Variants in MED18 observed in about 807,000 individuals in gnomAD.
MED18 encodes mediator complex subunit 18.
MED18 carries 10 observed loss-of-function variants against 13.9 expected under a neutral mutation model. The observed-to-expected ratio is 0.72, with a 90% CI of 0.44 to 1.22. The LOEUF is 1.22. Ranked by LOEUF, MED18 falls within the 50% of genes most tolerant of loss-of-function variation. MED18 has a pLI of 0.00. For synonymous variants in MED18, 88 were observed against 93.2 expected (o/e 0.94, Z 0.32); for missense variants, 216 against 279.0 (o/e 0.77, Z 1.61).
chr1:28,331,574 T>C (rs1420234500), intron 2 of MED18, among the ~76,000 whole-genome samples: 3 of 152,140 alleles, frequency 2.0e-5, no homozygotes, highest in Non-Finnish European at 2.9e-5. Flanking sequence ...TCAAGTGATA[T>C]ACTTGCCTTG....
At chr1:28,330,941 C>T (rs1649703170) in intron 2 of MED18, 4 of 346,012 alleles carry the variant, frequency 1.2e-5, no homozygotes, top group South Asian at 5.9e-5. Flanking sequence ...GCGTATAATC[C>T]CAGCACTTTG....
chr1:28,332,416 A>C (rs533678005), intron 2 of MED18, among the ~76,000 whole-genome samples: 219 of 152,220 alleles, frequency 1.4e-3, no homozygotes, highest in Middle Eastern at 0.01. Flanking sequence ...CCTAAAAAAA[A>C]AAAACAAAAC....
chr1:28,329,309 G>A (rs1649622589), intron 1 of MED18, 129 bp downstream of exon 1: 2 of 74,824 alleles, frequency 2.7e-5, no homozygotes, highest in African/African-American at 1.2e-4. Flanking sequence ...TTTTTGAGAC[G>A]GAGTTTCGCT....
rs1486725952 is a variant in MED18, at chr1:28,335,028, G to T, written c.*58G>T. The T allele has an allele frequency of 1.4e-6, 2 of 1,475,284 alleles. No individual in the cohort carries two copies. Among genetic ancestry groups the T allele is most frequent in the South Asian group, 2.6e-5 (2 of 76,954 alleles). 91.4% of individuals were successfully genotyped at this position (1,475,284 alleles called of 1,614,324 possible). ...CTTACTTGTTTGAAAAAATATGTTT[G>T]CTTTTTTTGGTTTTTGTTTTGTTTT... On this transcript the variant is annotated 3_prime_UTR_variant, in exon 3 of 3. Coordinates refer to ENST00000373842, the MANE Select transcript of MED18 (RefSeq NM_017638.3).
chr1:28,330,559 C>T (rs750289959), intron 1 of MED18, 38 bp from the exon 2 acceptor site: 2 of 798,680 alleles, frequency 2.5e-6, no homozygotes, highest in Non-Finnish European at 4.0e-6. Context: ...GGTCTCTCTC[C>T]ACCACTTTGA....
At chr1:28,331,778 C>T (rs1489255107) in intron 2 of MED18, among the ~76,000 whole-genome samples, 2 of 152,060 alleles carry the variant, frequency 1.3e-5, no homozygotes, top group African/African-American at 4.8e-5. Flanking sequence ...GATTCTCACT[C>T]CGTTGCCCAG....
At chr1:28,331,788 G>C (rs1458079442) in intron 2 of MED18, among the ~76,000 whole-genome samples, 5 of 151,916 alleles carry the variant, frequency 3.3e-5, no homozygotes, top group African/African-American at 9.7e-5. Context: ...CCGTTGCCCA[G>C]GCTGGAGCAC....
In MED18 at chr1:28,330,754, T is replaced by C. The variant is rs1176884428; in HGVS notation, c.73+19T>C. 1 of 1,572,300 alleles carries C rather than the reference T, an allele frequency of 6.4e-7. No homozygotes were observed. The highest frequency in any genetic ancestry group is 1.9e-5 in the Admixed American group (1 of 52,318). ...TTGCAGGGTAAGTGAACTAGGGAAC[T>C]TGGATTACCTGTTTTCCTCTTCTCT... On this transcript the variant is annotated intron_variant, in intron 2 of 2. Transcript: ENST00000373842.
rs1167371843 is a variant in MED18, at chr1:28,335,407, T to A, written c.*437T>A. On this transcript the variant is annotated 3_prime_UTR_variant, in exon 3 of 3. Coordinates refer to ENST00000373842, the MANE Select transcript of MED18 (RefSeq NM_017638.3). ...AGGCATTCTTCCTTCAGGGAGAGGA[T>A]GGTGAGAATTAATTGGTTCTTTGCA... 5.3e-6 allele frequency: 1 copy of A among 188,766 alleles called. No individual in the cohort carries two copies. The allele number at this position is 188,766 out of a possible 1,614,324, so 11.7% of individuals were successfully genotyped here. A position where few individuals can be genotyped will look rare whatever the true frequency, so the allele number is the denominator to read the frequency against.
intron 2 of MED18, among the ~76,000 whole-genome samples, chr1:28,331,302 A>G (rs1649726811): frequency 6.6e-6 from 1 of 151,958 alleles, no homozygotes; most frequent in African/African-American, 2.4e-5. Context: ...GTTTATTGTG[A>G]GTAGCTTGAA....
chr1:28,334,671 A>G lies in MED18; in HGVS notation c.328A>G (p.Thr110Ala). 1 of 1,614,186 alleles carries G rather than the reference A, an allele frequency of 6.2e-7. No homozygotes were observed. The highest frequency in any genetic ancestry group is 1.1e-5 in the South Asian group (1 of 91,084). The change falls in exon 3 of 3, where the codon ACA (threonine) becomes GCA (alanine). Residue 110 changes from threonine (T) to alanine (A), a missense_variant. Physicochemically the swap from Thr to Ala is moderately conservative, Grantham distance 58 (BLOSUM62 0). Coordinates refer to ENST00000373842, the MANE Select transcript of MED18 (RefSeq NM_017638.3). ...ALVRNCVDIA[T>A]SENLTDFLME... ...GGTGCGAAACTGCGTGGACATTGCC[A>G]CATCTGAGAACCTCACCGACTTCTT... is the stretch of plus-strand genomic sequence containing the variant.
chr1:28,335,050 T>G lies in MED18; in HGVS notation c.*80T>G. On this transcript the variant is annotated 3_prime_UTR_variant, in exon 3 of 3. Coordinates refer to ENST00000373842, the MANE Select transcript of MED18 (RefSeq NM_017638.3). Reference sequence around the variant, plus strand: ...TTTGCTTTTTTTGGTTTTTGTTTTGTTTTGTTTTTGAGACAGAGTCTCGCT... The same window carrying G: ...TTTGCTTTTTTTGGTTTTTGTTTTGGTTTGTTTTTGAGACAGAGTCTCGCT... The G allele has an allele frequency of 7.3e-7, 1 of 1,363,192 alleles. No individual in the cohort carries two copies. The highest frequency in any genetic ancestry group is 1.0e-6 in the Non-Finnish European group (1 of 1,003,162). The allele number at this position is 1,363,192 out of a possible 1,614,324, so 84.4% of individuals were successfully genotyped here. A position where few individuals can be genotyped will look rare whatever the true frequency, so the allele number is the denominator to read the frequency against.
rs1002374693 is a variant in MED18 at position 28,335,499 on chromosome 1, C to G, written c.*529C>G. On this transcript the variant is annotated 3_prime_UTR_variant, in exon 3 of 3. Transcript: ENST00000373842. ...TCTATATTAAAGGCTCAGGATGTCACGGAGAATCTATCTAATCCCACTGTA... is the reference window on the plus strand; with the variant it reads ...TCTATATTAAAGGCTCAGGATGTCAGGGAGAATCTATCTAATCCCACTGTA... 6.3e-6 allele frequency: 1 copy of G among 158,314 alleles called. No homozygotes were observed. The highest frequency in any genetic ancestry group is 6.0e-5 in the Admixed American group (1 of 16,756). The allele number at this position is 158,314 out of a possible 1,614,324, so 9.8% of individuals were successfully genotyped here.
rs779267139 is a variant in MED18 at position 28,334,871 on chromosome 1, C to G, written c.528C>G (p.Pro176=). Residue 176 remains proline (P), a synonymous_variant, in exon 3 of 3, where the codon CCC becomes CCG. Transcript: ENST00000373842. ...TCGTGGAATTAAGTGTGGTAGCACC[C>G]GCTGGGCAGGACATGGTCTCTGATG... is the stretch of plus-strand genomic sequence containing the variant. The part of the protein sequence containing the change: ...SYLVELSVVA[P]AGQDMVSDDM... The G allele has an allele frequency of 1.2e-6, 2 of 1,613,914 alleles. No individual in the cohort carries two copies. The highest frequency in any genetic ancestry group is 2.7e-5 in the African/African-American group (2 of 74,884).
At position 28,329,280 on chromosome 1, in the gene MED18, CTTTTTT is replaced by C. The variant is rs771658895; in HGVS notation, c.-67+118_-67+123del. ...ATAACTTCCCCTTGGCTCTCTCTCT[CTTTTTT>C]TTTTTTTTTTTTTTTTTGAGACGGA... On this transcript the variant is annotated intron_variant, in intron 1 of 2. Coordinates refer to ENST00000373842, the MANE Select transcript of MED18 (RefSeq NM_017638.3). 5.4e-3 allele frequency: 517 copies of C among 96,038 alleles called. 3 individuals carry two copies. The highest frequency in any genetic ancestry group is 0.019 in the African/African-American group (429 of 22,418). The allele number at this position is 96,038 out of a possible 1,614,324, so 5.9% of individuals were successfully genotyped here.
At position 28,330,824 on chromosome 1, in the gene MED18, G is replaced by A; in HGVS notation, c.73+89G>A. The A allele has an allele frequency of 5.0e-6, 5 of 1,004,116 alleles. No individual in the cohort carries two copies. In the South Asian group the frequency reaches 6.9e-5, roughly 14 times the overall value. 62.2% of individuals were successfully genotyped at this position (1,004,116 alleles called of 1,614,324 possible). Reference sequence around the variant, plus strand: ...GAGAGACTTAACACAAAAGCAGCCTGCACAGTTTCTGGCACCCAGCTATGT... The same window carrying A: ...GAGAGACTTAACACAAAAGCAGCCTACACAGTTTCTGGCACCCAGCTATGT... On this transcript the variant is annotated intron_variant, in intron 2 of 2. Transcript: ENST00000373842.
At chr1:28,331,415 A>C (rs989387622) in intron 2 of MED18, among the ~76,000 whole-genome samples, 4 of 151,416 alleles carry the variant, frequency 2.6e-5, no homozygotes, top group Admixed American at 1.3e-4. Flanking sequence ...ACCTCTATCT[A>C]CTTCCCGGGT....
chr1:28,335,167 G>C lies in MED18; in HGVS notation c.*197G>C, dbSNP rs1444329972. 4 of 546,896 alleles carry C rather than the reference G, an allele frequency of 7.3e-6. No individual in the cohort carries two copies. In the African/African-American group the frequency reaches 7.6e-5, roughly 10 times the overall value. The allele number at this position is 546,896 out of a possible 1,614,324, so 33.9% of individuals were successfully genotyped here. On this transcript the variant is annotated 3_prime_UTR_variant, in exon 3 of 3. Transcript: ENST00000373842. Reference sequence around the variant, plus strand: ...AGCAATTCTCCCACCTCAGCCTCCTGAGTAGCTGGGATTACAGGCACATGC... The same window carrying C: ...AGCAATTCTCCCACCTCAGCCTCCTCAGTAGCTGGGATTACAGGCACATGC...
chr1:28,330,301 T>C, intron 1 of MED18: 1 of 166,636 alleles, frequency 6.0e-6, no homozygotes, highest in Non-Finnish European at 1.3e-5. Context: ...AAAAAATCAC[T>C]GGCCTCATTT....
Sources: gnomAD v4.1 joint callset for allele counts (sites outside exome capture counted in the v4.1 genomes callset) on GRCh38, gnomAD v4.1.1 for gene constraint, MANE v1.5 for transcripts, NCBI Gene and HGNC (gene_info 2026-07-23, HGNC 2026-07-21) for gene names.